PTPRK: variants seen among roughly 807,000 people sequenced by gnomAD.
PTPRK encodes the protein protein tyrosine phosphatase receptor type K, also known as receptor-type tyrosine-protein phosphatase kappa.
In PTPRK, 75 loss-of-function variants were observed where a neutral mutation model predicts 178.0. The ratio of observed to expected loss-of-function variants is 0.42; its 90% confidence interval spans 0.35 to 0.51. The LOEUF is 0.51. Among genes scored for constraint, PTPRK ranks in the 20% least tolerant of loss-of-function variants. The probability of loss-of-function intolerance (pLI) is 0.02; values close to 1 mark genes in which losing one functional copy is unlikely to be tolerated. For missense variants in PTPRK, 1,441 were observed against 1,797.8 expected, an observed-to-expected ratio of 0.80 and a Z score of 3.59; for synonymous variants, 637 against 620.6, an observed-to-expected ratio of 1.03 and a Z score of -0.39.
chr6:128,221,578 G>GT (rs1163352857), intron 5 of PTPRK, among the ~76,000 whole-genome samples: 2 of 151,172 alleles, frequency 1.3e-5, no homozygotes, highest in Non-Finnish European at 2.9e-5. Flanking sequence ...CAAATACACT[G>GT]TATCTTTAAA....
At chr6:128,030,749 T>G (rs1303903148) in intron 13 of PTPRK, among the ~76,000 whole-genome samples, 1 of 152,188 alleles carries the variant, frequency 6.6e-6, no homozygotes, top group East Asian at 1.9e-4. Context: ...ACATCAGGCT[T>G]GCTTTTTTTC....
chr6:128,453,394 C>T (rs1296373773), intron 1 of PTPRK, among the ~76,000 whole-genome samples: 4 of 152,126 alleles, frequency 2.6e-5, no homozygotes. Flanking sequence ...TAAATTTTAG[C>T]TTCTGTTGCA....
intron 3 of PTPRK, among the ~76,000 whole-genome samples, chr6:128,252,770 G>A (rs986221868): frequency 2.0e-5 from 3 of 152,088 alleles, no homozygotes; most frequent in Admixed American, 1.3e-4. Flanking sequence ...TCCCAGTTCC[G>A]ACCTCATGAG....
intron 7 of PTPRK, among the ~76,000 whole-genome samples, chr6:128,117,317 T>G (rs1249462916): frequency 6.6e-6 from 1 of 151,334 alleles, no homozygotes; most frequent in Non-Finnish European, 1.5e-5. Flanking sequence ...TTGAAAAGCA[T>G]TTTCCTATGT....
chr6:128,516,691 A>C lies in PTPRK; in HGVS notation c.100+3568T>G, dbSNP rs551442953. 7.6e-4 allele frequency among the ~76,000 whole-genome samples: 115 copies of C among 152,300 alleles called. 1 individual carries two copies. The highest frequency in any genetic ancestry group is 2.7e-3 in the African/African-American group (114 of 41,560). On this transcript the variant is annotated intron_variant, in intron 1 of 29. Transcript: ENST00000368226. ...GGGTGACATGTCAGGAACTATAGAC[A>C]AAGCAGGATCTCGAGCTGTATTTCC...
chr6:128,244,021 A>C (rs1360042124), intron 3 of PTPRK, among the ~76,000 whole-genome samples: 1 of 152,204 alleles, frequency 6.6e-6, no homozygotes, highest in African/African-American at 2.4e-5. Context: ...GAAGCAGAGA[A>C]GGTAGAACTT....
At chr6:128,031,401 T>A (rs939921666) in intron 13 of PTPRK, among the ~76,000 whole-genome samples, 1 of 152,192 alleles carries the variant, frequency 6.6e-6, no homozygotes, top group Non-Finnish European at 1.5e-5. Flanking sequence ...AAATGTTCAA[T>A]AATGATACAA....
At chr6:128,389,080 T>G (rs1007558988) in intron 2 of PTPRK, among the ~76,000 whole-genome samples, 7 of 152,136 alleles carry the variant, frequency 4.6e-5, no homozygotes, top group African/African-American at 1.7e-4. Context: ...AGGTGGAGAC[T>G]TCATGATGCT....
At chr6:128,494,918 T>A (rs1279960237) in intron 1 of PTPRK, among the ~76,000 whole-genome samples, 1 of 152,232 alleles carries the variant, frequency 6.6e-6, no homozygotes, top group East Asian at 1.9e-4. Context: ...AGCAGTCACA[T>A]TGTAAAGCCT....
intron 1 of PTPRK, among the ~76,000 whole-genome samples, chr6:128,460,279 C>T (rs1308169474): frequency 6.6e-6 from 1 of 151,956 alleles, no homozygotes; most frequent in Non-Finnish European, 1.5e-5. Flanking sequence ...CATGGGGACT[C>T]ACACCTGTAA....
chr6:128,081,844 C>T (rs1237015151), intron 10 of PTPRK, among the ~76,000 whole-genome samples: 1 of 151,964 alleles, frequency 6.6e-6, no homozygotes, highest in African/African-American at 2.4e-5. Flanking sequence ...GCTCTGTAAA[C>T]AATCTAGTCA....
chr6:128,395,592 T>C (rs989707541), intron 2 of PTPRK, among the ~76,000 whole-genome samples: 1 of 152,136 alleles, frequency 6.6e-6, no homozygotes, highest in African/African-American at 2.4e-5. Flanking sequence ...TAATTTTATA[T>C]GAAAAGTTTA....
At chr6:128,054,615 T>C (rs1779594072) in intron 13 of PTPRK, among the ~76,000 whole-genome samples, 1 of 152,170 alleles carries the variant, frequency 6.6e-6, no homozygotes, top group Admixed American at 6.5e-5. Context: ...CTAATGCTAT[T>C]TGCAGTGGGA....
At chr6:128,187,578 A>G (rs1416058516) in intron 6 of PTPRK, among the ~76,000 whole-genome samples, 1 of 152,168 alleles carries the variant, frequency 6.6e-6, no homozygotes. Context: ...TATACATTTT[A>G]ACACTGAAAA....
intron 1 of PTPRK, among the ~76,000 whole-genome samples, chr6:128,446,413 C>T (rs983625399): frequency 3.3e-5 from 5 of 152,236 alleles, no homozygotes; most frequent in African/African-American, 1.2e-4. Context: ...GTACAAACCG[C>T]TTTCCACAGA....
At chr6:128,458,996 A>T (rs985334108) in intron 1 of PTPRK, among the ~76,000 whole-genome samples, 3 of 152,158 alleles carry the variant, frequency 2.0e-5, no homozygotes, top group Non-Finnish European at 4.4e-5. Flanking sequence ...ATATACACTT[A>T]AAAAGCCATC....
At chr6:128,383,095 C>G (rs1049227050) in intron 2 of PTPRK, among the ~76,000 whole-genome samples, 2 of 152,036 alleles carry the variant, frequency 1.3e-5, no homozygotes, top group Non-Finnish European at 2.9e-5. Context: ...AAATAGTCAC[C>G]ACTGCTAAGC....
At chr6:128,420,521 T>C (rs1843360329) in intron 1 of PTPRK, among the ~76,000 whole-genome samples, 1 of 152,176 alleles carries the variant, frequency 6.6e-6, no homozygotes, top group Non-Finnish European at 1.5e-5. Flanking sequence ...GACTTTGCCA[T>C]TGCCCTCAGA....
chr6:127,977,106 C>T (rs190763166), intron 25 of PTPRK, 52 bp from the exon 26 acceptor site: 119 of 1,568,102 alleles, frequency 7.6e-5, no homozygotes, highest in East Asian at 5.2e-4. Flanking sequence ...AATGTATGAT[C>T]GGTTGTACAA....
Sources: gnomAD v4.1 joint callset for allele counts (sites outside exome capture counted in the v4.1 genomes callset) on GRCh38, gnomAD v4.1.1 for gene constraint, MANE v1.5 for transcripts, NCBI Gene and HGNC (gene_info 2026-07-23, HGNC 2026-07-21) for gene names.